The following SLC8A1 variants were observed in gnomAD, a reference collection of about 807,000 sequenced individuals.
SLC8A1 encodes the protein sodium/calcium exchanger 1.
Under a neutral mutation model 68.3 loss-of-function variants are expected in SLC8A1, and 18 were observed. That is an observed-to-expected ratio of 0.26 (90% CI 0.18 to 0.39). The LOEUF (loss-of-function observed/expected upper bound fraction) is 0.39. Among genes scored for constraint, SLC8A1 ranks in the 10% least tolerant of loss-of-function variants. The probability of loss-of-function intolerance (pLI) is 1.00; values close to 1 mark genes in which losing one functional copy is unlikely to be tolerated. For missense variants in SLC8A1, 985 were observed against 1,156.7 expected (o/e 0.85, Z 2.15); for synonymous variants, 475 against 415.5 (o/e 1.14, Z -1.74).
At chr2:40,165,886 T>G (rs960127999) in intron 4 of SLC8A1, among the ~76,000 whole-genome samples, 1 of 152,202 alleles carries the variant, frequency 6.6e-6, no homozygotes, top group Admixed American at 6.5e-5. Context: ...GGGCAAACAC[T>G]GGTCCTATAA....
At chr2:40,121,039 T>C (rs1206575661) in intron 7 of SLC8A1, among the ~76,000 whole-genome samples, 4 of 152,232 alleles carry the variant, frequency 2.6e-5, no homozygotes, top group African/African-American at 9.6e-5. Context: ...TTTTAGGCTT[T>C]TGACAGCCTG....
intron 2 of SLC8A1, among the ~76,000 whole-genome samples, chr2:40,314,137 T>A (rs1427987868): frequency 6.6e-6 from 1 of 152,038 alleles, no homozygotes; most frequent in African/African-American, 2.4e-5. Context: ...ATAATTGAGG[T>A]TTTTTATTAG....
At chr2:40,165,575 C>T (rs1249323244) in intron 4 of SLC8A1, among the ~76,000 whole-genome samples, 1 of 152,174 alleles carries the variant, frequency 6.6e-6, no homozygotes, top group Non-Finnish European at 1.5e-5. Flanking sequence ...GCTTGGGCTC[C>T]AGTGCTGCTT....
At chr2:40,333,050 T>C (rs1176653501) in intron 2 of SLC8A1, among the ~76,000 whole-genome samples, 2 of 152,226 alleles carry the variant, frequency 1.3e-5, no homozygotes, top group African/African-American at 4.8e-5. Context: ...TATGTTAGAA[T>C]TTTAGAGCTT....
At position 40,156,360 on chromosome 2, in the gene SLC8A1, G is replaced by GTTTTTTTTTTT. The variant is rs71404280; in HGVS notation, c.2161+4394_2161+4404dup. On this transcript the variant is annotated intron_variant, in intron 6 of 7. Coordinates refer to ENST00000406785, the Ensembl canonical transcript of SLC8A1. ...AAGAGACAGAACCAAAACTGCTGGAGTTTTTTTTTTTTTGAGTCACTTTTG... is the reference window on the plus strand; with the variant it reads ...AAGAGACAGAACCAAAACTGCTGGAGTTTTTTTTTTTTTTTTTTTTTTTTGAGTCACTTTTG... Among the ~76,000 whole-genome samples the GTTTTTTTTTTT allele has an allele frequency of 2.6e-3, 366 of 140,640 alleles. 2 individuals are homozygous for GTTTTTTTTTTT. The highest frequency in any genetic ancestry group is 5.8e-3 in the African/African-American group (225 of 38,532). The allele number at this position is 140,640 out of a possible 152,430, so 92.3% of individuals were successfully genotyped here.
At chr2:40,182,410 A>G (rs2049774085) in intron 2 of SLC8A1, among the ~76,000 whole-genome samples, 1 of 152,236 alleles carries the variant, frequency 6.6e-6, no homozygotes, top group South Asian at 2.1e-4. Flanking sequence ...AGCAGTTACA[A>G]ATCTTACGAT....
At chr2:40,327,964 A>G (rs573057458) in intron 2 of SLC8A1, among the ~76,000 whole-genome samples, 2 of 152,206 alleles carry the variant, frequency 1.3e-5, no homozygotes, top group East Asian at 3.9e-4. Flanking sequence ...ACTGAAAAAA[A>G]AATACAGTAT....
chr2:40,377,357 T>A (rs1301204745), intron 2 of SLC8A1, among the ~76,000 whole-genome samples: 2 of 152,064 alleles, frequency 1.3e-5, no homozygotes, highest in African/African-American at 4.8e-5. Flanking sequence ...ATACCTTGAG[T>A]GCAGGCTTGT....
intron 1 of SLC8A1, among the ~76,000 whole-genome samples, chr2:40,474,856 C>T (rs1446354086): frequency 2.6e-5 from 4 of 152,076 alleles, no homozygotes; most frequent in Non-Finnish European, 5.9e-5. Context: ...CTTTATTTAA[C>T]TGTATATGCA....
intron 2 of SLC8A1, among the ~76,000 whole-genome samples, chr2:40,302,871 C>T (rs2071790228): frequency 1.3e-5 from 2 of 152,080 alleles, no homozygotes; most frequent in African/African-American, 4.8e-5. Flanking sequence ...AAGAAGTGTT[C>T]CCTTCCAAAC....
At chr2:40,417,093 T>C (rs976695180) in intron 2 of SLC8A1, among the ~76,000 whole-genome samples, 5 of 152,288 alleles carry the variant, frequency 3.3e-5, no homozygotes, top group African/African-American at 1.2e-4. Context: ...TTTTGAAGAT[T>C]ATGCAGAGTT....
chr2:40,158,514 A>T (rs1328014165), intron 6 of SLC8A1, among the ~76,000 whole-genome samples: 1 of 152,190 alleles, frequency 6.6e-6, no homozygotes, highest in Non-Finnish European at 1.5e-5. Context: ...ATATTGTATG[A>T]CAAGAAGACT....
chr2:40,292,340 C>G (rs996031411), intron 2 of SLC8A1, among the ~76,000 whole-genome samples: 1 of 152,170 alleles, frequency 6.6e-6, no homozygotes, highest in African/African-American at 2.4e-5. Context: ...TTTCCCCTGC[C>G]TCATAATTTG....
chr2:40,465,064 G>C (rs12468667), intron 1 of SLC8A1, among the ~76,000 whole-genome samples: 139,781 of 152,182 alleles, frequency 0.92, 64,712 homozygotes, highest in Non-Finnish European at 0.98. Flanking sequence ...TCTCTTCTTT[G>C]CAAATCTCTA....
At chr2:40,414,877 CAAT>C (rs1405874535) in intron 2 of SLC8A1, among the ~76,000 whole-genome samples, 1 of 151,944 alleles carries the variant, frequency 6.6e-6, no homozygotes, top group East Asian at 1.9e-4. Context: ...ATAAAGAAGA[CAAT>C]GATGTATATT....
At chr2:40,401,981 T>A (rs1199934738) in intron 2 of SLC8A1, among the ~76,000 whole-genome samples, 1 of 152,158 alleles carries the variant, frequency 6.6e-6, no homozygotes, top group African/African-American at 2.4e-5. Context: ...GTCAGAGGCA[T>A]TTGAAGCAGA....
intron 6 of SLC8A1, among the ~76,000 whole-genome samples, chr2:40,156,360 G>GTTTTTTTT (rs71404280): frequency 0.015 from 2,072 of 140,670 alleles, 66 homozygotes; most frequent in African/African-American, 0.051. Context: ...AACTGCTGGA[G>GTTTTTTTT]TTTTTTTTTT....
chr2:40,506,444 A>G (rs1038352093), intron 1 of SLC8A1, among the ~76,000 whole-genome samples: 2 of 151,996 alleles, frequency 1.3e-5, no homozygotes, highest in African/African-American at 4.8e-5. Flanking sequence ...TTTGTTGAAC[A>G]TAAGCTAAAT....
chr2:40,115,390 G>A (rs142336728), exon 8 of SLC8A1: 3 of 1,613,998 alleles, frequency 1.9e-6, no homozygotes, highest in Non-Finnish European at 2.5e-6. Context: ...TCTGGCCTCC[G>A]CCGATACAGC....
Sources: allele counts gnomAD v4.1 joint callset (sites outside exome capture counted in the v4.1 genomes callset), GRCh38; gene constraint gnomAD v4.1.1; transcripts MANE v1.5; gene names NCBI Gene and HGNC (gene_info 2026-07-23, HGNC 2026-07-21).